SSBP3: variants seen among roughly 807,000 people sequenced by gnomAD.
SSBP3 encodes single-stranded DNA-binding protein 3.
SSBP3 carries 5 observed loss-of-function variants against 69.6 expected under a neutral mutation model. The observed-to-expected ratio is 0.07, with a 90% confidence interval of 0.04 to 0.15. SSBP3 has a LOEUF of 0.15. SSBP3 is among the 10% of genes least tolerant of loss of function. SSBP3 has a pLI of 1.00. For synonymous variants in SSBP3, 196 were observed against 193.4 expected (o/e 1.01, Z -0.11); for missense variants, 312 against 534.0 (o/e 0.58, Z 4.10).
chr1:54,335,376 C>G (rs1437026226), intron 4 of SSBP3, among the ~76,000 whole-genome samples: 2 of 152,138 alleles, frequency 1.3e-5, no homozygotes, highest in East Asian at 3.8e-4. Flanking sequence ...TTTCTGGGAA[C>G]AAAAGGCACT....
chr1:54,258,031 C>T lies in SSBP3; in HGVS notation c.447+38G>A, dbSNP rs1376895199. On this transcript the variant is annotated intron_variant, in intron 6 of 17. Transcript: ENST00000610401. This position sits in a 1 kb window ranked among gnomAD's most constrained non-coding sequence, Gnocchi z 4.5. ...CGGGCTCTCTGCTTCCTCCGCGCCCCGCGTCCCCGGCGGGCGGGAGCGCCA... is the reference window on the plus strand; with the variant it reads ...CGGGCTCTCTGCTTCCTCCGCGCCCTGCGTCCCCGGCGGGCGGGAGCGCCA... 29 of 1,553,482 alleles carry T rather than the reference C, an allele frequency of 1.9e-5. No homozygotes were observed. The highest frequency in any genetic ancestry group is 4.4e-4 in the Middle Eastern group (2 of 4,586).
intron 5 of SSBP3, among the ~76,000 whole-genome samples, chr1:54,277,868 T>C (rs762922721): frequency 2.6e-5 from 4 of 151,376 alleles, no homozygotes; most frequent in African/African-American, 7.3e-5. Context: ...CCCAGATCAG[T>C]GAGGCTGGCC....
At chr1:54,394,851 T>C (rs574714632) in intron 4 of SSBP3, among the ~76,000 whole-genome samples, 110 of 151,924 alleles carry the variant, frequency 7.2e-4, no homozygotes, top group African/African-American at 2.6e-3. Flanking sequence ...TACAGGCGCC[T>C]GCCACTATGC....
chr1:54,282,733 A>C (rs567952811), intron 4 of SSBP3, among the ~76,000 whole-genome samples: 1 of 152,074 alleles, frequency 6.6e-6, no homozygotes. Context: ...CTTCCCACTG[A>C]TTCTAGGCCT....
rs1644655197 is a variant in SSBP3, at chr1:54,242,359, C to A, written c.717-147G>T. The A allele has an allele frequency of 1.3e-5, 10 of 766,088 alleles. No homozygotes were observed. In the South Asian group the frequency reaches 1.5e-4, roughly 11 times the overall value. 47.5% of individuals were successfully genotyped at this position (766,088 alleles called of 1,614,324 possible). ...CGGTTTAGAGCCTTCTGGCTCAGGGCAGTAATGGGTAACTTCATGGGTGGA... is the reference window on the plus strand; with the variant it reads ...CGGTTTAGAGCCTTCTGGCTCAGGGAAGTAATGGGTAACTTCATGGGTGGA... On this transcript the variant is annotated intron_variant, in intron 10 of 17. Coordinates refer to ENST00000610401, the Ensembl canonical transcript of SSBP3.
intron 4 of SSBP3, among the ~76,000 whole-genome samples, chr1:54,330,574 A>AC (rs1646392012): frequency 6.6e-6 from 1 of 152,190 alleles, no homozygotes; most frequent in Non-Finnish European, 1.5e-5. Flanking sequence ...CACCACCAGT[A>AC]CACCCTAGGT....
chr1:54,276,717 T>C (rs1645295383), intron 5 of SSBP3, among the ~76,000 whole-genome samples: 1 of 151,820 alleles, frequency 6.6e-6, no homozygotes. Flanking sequence ...AGAGTAACTG[T>C]TGTGGAACAC....
intron 1 of SSBP3, among the ~76,000 whole-genome samples, chr1:54,411,484 A>C (rs1339434047): frequency 6.6e-6 from 1 of 151,076 alleles, no homozygotes; most frequent in Non-Finnish European, 1.5e-5. Flanking sequence ...TCTTGAAAAA[A>C]AAAAAAAGAA....
chr1:54,354,653 G>A (rs1486806106), intron 4 of SSBP3, among the ~76,000 whole-genome samples: 1 of 152,108 alleles, frequency 6.6e-6, no homozygotes, highest in African/African-American at 2.4e-5. Flanking sequence ...TGAAGTCCCA[G>A]TAAGTACTCT....
intron 5 of SSBP3, among the ~76,000 whole-genome samples, chr1:54,278,963 C>T (rs992355737): frequency 6.6e-6 from 1 of 152,234 alleles, no homozygotes; most frequent in Non-Finnish European, 1.5e-5. Context: ...GCAGCCAGTA[C>T]CTCCTTCCAG....
chr1:54,369,007 C>T (rs1461987400), intron 4 of SSBP3, among the ~76,000 whole-genome samples: 1 of 152,166 alleles, frequency 6.6e-6, no homozygotes, highest in Admixed American at 6.5e-5. Context: ...ATTCACAGCA[C>T]CACACTCCCC....
intron 4 of SSBP3, among the ~76,000 whole-genome samples, chr1:54,387,545 C>A (rs1389545579): frequency 6.6e-6 from 1 of 151,918 alleles, no homozygotes; most frequent in Admixed American, 6.6e-5. Flanking sequence ...AGGGGAAAAA[C>A]ACGTCTGTTT....
At chr1:54,303,260 CCCT>C (rs1467987184) in intron 4 of SSBP3, among the ~76,000 whole-genome samples, 1 of 146,950 alleles carries the variant, frequency 6.8e-6, no homozygotes, top group Admixed American at 6.8e-5. Context: ...GACTACCTCT[CCCT>C]CCTCCTTGGT....
intron 9 of SSBP3, among the ~76,000 whole-genome samples, chr1:54,243,828 C>A (rs746691516): frequency 6.6e-6 from 1 of 152,260 alleles, no homozygotes; most frequent in Non-Finnish European, 1.5e-5. Context: ...TCCTACCCCA[C>A]CCATGTGTCA....
At chr1:54,303,000 C>A (rs141716979) in intron 4 of SSBP3, among the ~76,000 whole-genome samples, 1 of 152,146 alleles carries the variant, frequency 6.6e-6, no homozygotes, top group Non-Finnish European at 1.5e-5. Flanking sequence ...GCGGGGCAGA[C>A]GAGACAGACA....
At chr1:54,230,768 C>G (rs1391895556) in intron 14 of SSBP3, among the ~76,000 whole-genome samples, 1 of 152,208 alleles carries the variant, frequency 6.6e-6, no homozygotes, top group East Asian at 1.9e-4. Flanking sequence ...CATAGAATCA[C>G]GTGAGCTTTT....
chr1:54,243,429 C>A, intron 9 of SSBP3, 130 bp from the exon 10 acceptor site: 1 of 1,186,904 alleles, frequency 8.4e-7, no homozygotes, highest in Non-Finnish European at 1.2e-6. Context: ...AAAAATAATA[C>A]ATTCTTTCAA....
At chr1:54,299,793 AG>A (rs1645768225) in intron 4 of SSBP3, among the ~76,000 whole-genome samples, 1 of 152,094 alleles carries the variant, frequency 6.6e-6, no homozygotes, top group Admixed American at 6.5e-5. Context: ...TTCTCCAAAC[AG>A]ATCAAACCCA....
At chr1:54,410,920 G>A (rs1649971256), upstream of SSBP3, among the ~76,000 whole-genome samples, 1 of 152,154 alleles carries the variant, frequency 6.6e-6, no homozygotes, top group African/African-American at 2.4e-5. Flanking sequence ...AGTAATTGGG[G>A]AAATGTTTCG....
Sources: gnomAD v4.1 joint callset for allele counts (sites outside exome capture counted in the v4.1 genomes callset) on GRCh38, gnomAD v4.1.1 for gene constraint, Gnocchi (gnomAD v3.1) non-coding constraint, MANE v1.5 for transcripts, NCBI Gene and HGNC (gene_info 2026-07-23, HGNC 2026-07-21) for gene names.